Variants in EGFLAM observed in about 807,000 individuals in gnomAD.
EGFLAM encodes the protein pikachurin.
A neutral mutation model predicts 113.1 loss-of-function variants in EGFLAM; 79 were observed. The ratio of observed to expected loss-of-function variants is 0.70; its 90% CI spans 0.58 to 0.84. The LOEUF (loss-of-function observed/expected upper bound fraction) is 0.84. EGFLAM is among the 40% of genes least tolerant of loss of function. The probability of loss-of-function intolerance (pLI) is 0.00; values close to 1 mark genes in which losing one functional copy is unlikely to be tolerated. For synonymous variants in EGFLAM, 504 were observed against 487.6 expected (o/e 1.03, Z -0.44); for missense variants, 1,265 against 1,291.6 (o/e 0.98, Z 0.32).
At chr5:38,339,373 T>G (rs1739274404) in intron 3 of EGFLAM, among the ~76,000 whole-genome samples, 1 of 152,214 alleles carries the variant, frequency 6.6e-6, no homozygotes. Context: ...CCCCTCCTCC[T>G]TCCTAATTCT....
chr5:38,452,203 T>C (rs1014353684), intron 19 of EGFLAM, among the ~76,000 whole-genome samples: 1 of 151,894 alleles, frequency 6.6e-6, no homozygotes, highest in African/African-American at 2.4e-5. Context: ...GTCTGGCTTT[T>C]TGTATTTTTT....
rs368449427 is a variant in EGFLAM at position 38,427,218 on chromosome 5, C to T, written c.2020C>T (p.Arg674Cys). ...CTTGGCAGGGGGCCACGTGGAGTTC[C>T]GCTTTGACTGTGGCTCTGGGACCGG... ...INLAGGHVEF[R>C]FDCGSGTGVL... The change falls in exon 14 of 22, where the codon CGC becomes TGC. Residue 674 changes from arginine (R) to cysteine (C), a missense_variant. Physicochemically the swap from Arg to Cys is radical, Grantham distance 180 (BLOSUM62 -3). Transcript: ENST00000322350. 1.1e-5 allele frequency: 17 copies of T among 1,614,034 alleles called. No homozygotes were observed. The East Asian group carries it at 1.3e-4, about 13-fold the overall frequency.
chr5:38,268,039 CTG>C lies in EGFLAM; in HGVS notation c.97+9192_97+9193del, dbSNP rs201436552. ...AATACAGCTAGAGCTCCATTCATTT[CTG>C]TGTTTCCCTCACACAACAGTAGACT... is the stretch of plus-strand genomic sequence containing the variant. On this transcript the variant is annotated intron_variant, in intron 1 of 21. Transcript: ENST00000322350. Among the ~76,000 whole-genome samples the C allele has an allele frequency of 2.0e-5, 3 of 152,296 alleles. No individual in the cohort carries two copies. The East Asian group carries it at 5.8e-4, about 29-fold the overall frequency.
At chr5:38,459,411 C>G (rs760304262) in intron 20 of EGFLAM, among the ~76,000 whole-genome samples, 2 of 152,126 alleles carry the variant, frequency 1.3e-5, no homozygotes, top group African/African-American at 2.4e-5. Flanking sequence ...ATCCTGACTT[C>G]TGATTAACTT....
intron 6 of EGFLAM, 30 bp from the exon 7 acceptor site, chr5:38,406,096 A>T: frequency 6.3e-7 from 1 of 1,575,286 alleles, no homozygotes; most frequent in Non-Finnish European, 8.7e-7. Context: ...GCCTGTGCTG[A>T]TGAAGGGTGT....
intron 6 of EGFLAM, among the ~76,000 whole-genome samples, chr5:38,388,700 C>T (rs1460343794): frequency 2.0e-5 from 3 of 149,108 alleles, no homozygotes; most frequent in African/African-American, 7.5e-5. Context: ...GGAGAGGTTG[C>T]AGGGAGCCGA....
rs949774579 is a variant in EGFLAM, at chr5:38,407,053, T to C, written c.1054T>C (p.Cys352Arg). 2.5e-6 allele frequency: 4 copies of C among 1,614,206 alleles called. No homozygotes were observed. The Admixed American group carries it at 5.0e-5, about 20-fold the overall frequency. ...LFDMPCDETL[C>R]SADSFCVNDY... ...TGACATGCCTTGTGATGAAACTCTC[T>C]GCTCTGCTGACAGCTTCTGTGTCAA... The change falls in exon 8 of 22, where the codon TGC (cysteine) becomes CGC (arginine). Residue 352 changes from cysteine to arginine, a missense_variant. Coordinates refer to ENST00000322350, the MANE Select transcript of EGFLAM (RefSeq NM_152403.4).
intron 15 of EGFLAM, among the ~76,000 whole-genome samples, chr5:38,433,779 G>T (rs1408897920): frequency 6.6e-6 from 1 of 152,200 alleles, no homozygotes; most frequent in Admixed American, 6.5e-5. Context: ...GTTCCTGACT[G>T]GTTCAGTATT....
At chr5:38,373,602 G>C (rs1006512242) in intron 6 of EGFLAM, among the ~76,000 whole-genome samples, 2 of 152,222 alleles carry the variant, frequency 1.3e-5, no homozygotes, top group South Asian at 4.1e-4. Flanking sequence ...TTTGTTCTTT[G>C]TTATGGCTGC....
In EGFLAM at chr5:38,464,959, G is replaced by A. The variant is rs1561112412; in HGVS notation, c.*973G>A. The A allele has an allele frequency of 2.6e-5, 4 of 152,158 alleles. No homozygotes were observed. Among genetic ancestry groups the A allele is most frequent in the Non-Finnish European group, 1.5e-5 (1 of 68,018 alleles). 9.4% of individuals were successfully genotyped at this position (152,158 alleles called of 1,614,324 possible). A position where few individuals can be genotyped will look rare whatever the true frequency, so the allele number is the denominator to read the frequency against. ...ACCGAGGTAGGTCACTGTCATTTTT[G>A]TTTTAAGAGTTGGGGGGAGTATCTA... On this transcript the variant is annotated 3_prime_UTR_variant, in exon 22 of 22. Transcript: ENST00000322350.
chr5:38,407,787 G>A lies in EGFLAM; in HGVS notation c.1148-18G>A, dbSNP rs537001541. 1.1e-4 allele frequency: 174 copies of A among 1,576,240 alleles called. 1 individual carries two copies. In the South Asian group the frequency reaches 1.7e-3, roughly 15 times the overall value. ...TGAGGAAATAGCATTCTTTTGTGTT[G>A]TCTTTTTTCTTCTTCAGATATTGTT... is the stretch of plus-strand genomic sequence containing the variant. On this transcript the variant is annotated intron_variant, in intron 8 of 21. Transcript: ENST00000322350.
intron 6 of EGFLAM, among the ~76,000 whole-genome samples, chr5:38,387,520 A>G (rs557896120): frequency 6.6e-6 from 1 of 151,704 alleles, no homozygotes; most frequent in Non-Finnish European, 1.5e-5. Flanking sequence ...CACTGCAGAA[A>G]CTCTTCCATT....
At position 38,462,942 on chromosome 5, in the gene EGFLAM, T is replaced by C. The variant is rs756112275; in HGVS notation, c.2806T>C (p.Tyr936His). 3 of 1,614,204 alleles carry C rather than the reference T, an allele frequency of 1.9e-6. No homozygotes were observed. Among genetic ancestry groups the C allele is most frequent in the Non-Finnish European group, 2.5e-6 (3 of 1,180,028 alleles). The change falls in exon 21 of 22, where the codon TAT becomes CAT. Residue 936 changes from tyrosine to histidine, a missense_variant. Transcript: ENST00000322350. ...GTCAGGAAAGATAACCGTGGATGAC[T>C]ATGGAGCCAGAACAGGCAAATCCCC... is the stretch of plus-strand genomic sequence containing the variant. ...GQSGKITVDD[Y>H]GARTGKSPGM...
intron 5 of EGFLAM, among the ~76,000 whole-genome samples, chr5:38,353,574 G>A (rs145602897): frequency 5.3e-5 from 8 of 152,366 alleles, no homozygotes; most frequent in African/African-American, 1.9e-4. Flanking sequence ...CTTCAGAGGT[G>A]AGGTACTGCA....
chr5:38,398,128 ACT>A (rs1395931217), intron 6 of EGFLAM, among the ~76,000 whole-genome samples: 1 of 152,140 alleles, frequency 6.6e-6, no homozygotes, highest in African/African-American at 2.4e-5. Context: ...TTCCAGGAAC[ACT>A]CTGCAGAATG....
At chr5:38,415,775 G>T (rs1039172070) in intron 11 of EGFLAM, among the ~76,000 whole-genome samples, 1 of 152,166 alleles carries the variant, frequency 6.6e-6, no homozygotes, top group Non-Finnish European at 1.5e-5. Flanking sequence ...GTTCTGCATG[G>T]CTGGGAAGGC....
At chr5:38,334,605 T>C (rs1739136337) in intron 1 of EGFLAM, among the ~76,000 whole-genome samples, 1 of 152,246 alleles carries the variant, frequency 6.6e-6, no homozygotes, top group African/African-American at 2.4e-5. Flanking sequence ...GTTTTCTCTA[T>C]AGCATTTGCA....
intron 17 of EGFLAM, chr5:38,445,537 G>C (rs1446480324): frequency 2.0e-5 from 31 of 1,572,014 alleles, no homozygotes; most frequent in Non-Finnish European, 2.5e-5. Context: ...CATTCCCTAA[G>C]AGGACGTTCT....
intron 5 of EGFLAM, among the ~76,000 whole-genome samples, chr5:38,361,235 G>A (rs1016654409): frequency 5.9e-5 from 9 of 152,022 alleles, no homozygotes; most frequent in African/African-American, 1.7e-4. Flanking sequence ...GCTTACTCTT[G>A]TTCATCCTTC....
Sources: allele counts gnomAD v4.1 joint callset (sites outside exome capture counted in the v4.1 genomes callset), GRCh38; gene constraint gnomAD v4.1.1; transcripts MANE v1.5; gene names NCBI Gene and HGNC (gene_info 2026-07-23, HGNC 2026-07-21).